The following C18orf63 variants were observed in gnomAD, a reference collection of about 807,000 sequenced individuals.
The protein encoded by C18orf63 is chromosome 18 open reading frame 63.
Under a neutral mutation model 75.3 loss-of-function variants are expected in C18orf63, and 50 were observed. That is an observed-to-expected ratio of 0.66 (90% CI 0.53 to 0.84). The LOEUF (loss-of-function observed/expected upper bound fraction) is 0.84, where lower values mean the gene tolerates loss of function less well. Among genes scored for constraint, C18orf63 ranks in the 40% least tolerant of loss-of-function variants. C18orf63 has a pLI of 0.00. For synonymous variants in C18orf63, 232 were observed against 267.6 expected (o/e 0.87, Z 1.30); for missense variants, 732 against 800.2 (o/e 0.91, Z 1.03).
chr18:74,343,780 G>A, intron 11 of C18orf63, 78 bp downstream of exon 11: 1 of 908,434 alleles, frequency 1.1e-6, no homozygotes, highest in Non-Finnish European at 1.5e-6. Context: ...GTCTTCTGGG[G>A]TGGAACACCC....
At position 74,356,158 on chromosome 18, in the gene C18orf63, G is replaced by A. The variant is rs1014589098; in HGVS notation, c.*34-323G>A. Among the ~76,000 whole-genome samples the A allele has an allele frequency of 2.0e-5, 3 of 152,130 alleles. No individual in the cohort carries two copies. The East Asian group carries it at 5.8e-4, about 29-fold the overall frequency. On this transcript the variant is annotated intron_variant, in intron 13 of 13. Coordinates refer to ENST00000579455, the MANE Select transcript of C18orf63 (RefSeq NM_001174123.2). ...TTGTATAAATTTGTGGGGTACAAGT[G>A]CAACTTTGTTACCTGCATGTATTGT...
intron 5 of C18orf63, among the ~76,000 whole-genome samples, chr18:74,328,372 C>A (rs1460672271): frequency 6.6e-6 from 1 of 152,104 alleles, no homozygotes; most frequent in African/African-American, 2.4e-5. Flanking sequence ...AAGCCCCACC[C>A]CCATGATTCA....
Position 74,357,240 on chromosome 18 carries a change from C to T in C18orf63, c.*793C>T, listed in dbSNP as rs1180841183. ...CCAGGCAGTGGGGACAACACTGTGTCCATGGCAGAAATGGATGAGACAGCC... is the reference window on the plus strand; with the variant it reads ...CCAGGCAGTGGGGACAACACTGTGTTCATGGCAGAAATGGATGAGACAGCC... On this transcript the variant is annotated 3_prime_UTR_variant, in exon 14 of 14. Transcript: ENST00000579455. 2.0e-5 allele frequency: 3 copies of T among 152,276 alleles called. No individual in the cohort carries two copies. Among genetic ancestry groups the T allele is most frequent in the Admixed American group, 2.0e-4 (3 of 15,292 alleles). 9.4% of individuals were successfully genotyped at this position (152,276 alleles called of 1,614,324 possible). A position where few individuals can be genotyped will look rare whatever the true frequency, so the allele number is the denominator to read the frequency against.
rs577924747 is a variant in C18orf63 at position 74,327,894 on chromosome 18, A to G, written c.271-53A>G. 77 of 1,057,486 alleles carry G rather than the reference A, an allele frequency of 7.3e-5. No individual in the cohort carries two copies. In the Admixed American group the frequency reaches 9.8e-4, roughly 13 times the overall value. The allele number at this position is 1,057,486 out of a possible 1,614,324, so 65.5% of individuals were successfully genotyped here. A position where few individuals can be genotyped will look rare whatever the true frequency, so the allele number is the denominator to read the frequency against. ...GCAGTCATTTCCTATTAGTATATGC[A>G]TACACAGCAATTGTTCTAAATTGGC... On this transcript the variant is annotated intron_variant, in intron 4 of 13. Coordinates refer to ENST00000579455, the MANE Select transcript of C18orf63 (RefSeq NM_001174123.2).
In C18orf63 at chr18:74,357,063, C is replaced by A. The variant is rs1300579017; in HGVS notation, c.*616C>A. ...TACATTTTGGGGATCTCTACTATAT[C>A]TCTGCAGGCTCACTAAATTTCACTT... On this transcript the variant is annotated 3_prime_UTR_variant, in exon 14 of 14. Coordinates refer to ENST00000579455, the MANE Select transcript of C18orf63 (RefSeq NM_001174123.2). 11 of 152,138 alleles carry A rather than the reference C, an allele frequency of 7.2e-5. No homozygotes were observed. Among genetic ancestry groups the A allele is most frequent in the Non-Finnish European group, 1.6e-4 (11 of 68,018 alleles). 9.4% of individuals were successfully genotyped at this position (152,138 alleles called of 1,614,324 possible).
Position 74,354,556 on chromosome 18 carries a change from G to A in C18orf63, c.*33+10G>A. On this transcript the variant is annotated intron_variant, in intron 13 of 13. Transcript: ENST00000579455. Reference sequence around the variant, plus strand: ...AGGAAATGTCTACCAGGTAACTGAAGTGATAGCTTTTGATTTGTTTTTACA... The same window carrying A: ...AGGAAATGTCTACCAGGTAACTGAAATGATAGCTTTTGATTTGTTTTTACA... 1 of 1,226,682 alleles carries A rather than the reference G, an allele frequency of 8.2e-7. No individual in the cohort carries two copies. The allele number at this position is 1,226,682 out of a possible 1,614,324, so 76.0% of individuals were successfully genotyped here.
At chr18:74,332,928 G>A (rs112945722) in intron 7 of C18orf63, among the ~76,000 whole-genome samples, 2,065 of 152,232 alleles carry the variant, frequency 0.014, 27 homozygotes, top group South Asian at 0.047. Context: ...ATACTTCTGT[G>A]TTCTACACCT....
intron 8 of C18orf63, among the ~76,000 whole-genome samples, chr18:74,341,052 C>T (rs1334803568): frequency 6.6e-6 from 1 of 151,606 alleles, no homozygotes; most frequent in Non-Finnish European, 1.5e-5. Context: ...ATCACGAGGT[C>T]CGGAGATCGA....
chr18:74,318,242 TTTTAAAAG>T (rs1373228759), intron 2 of C18orf63, among the ~76,000 whole-genome samples: 1 of 152,202 alleles, frequency 6.6e-6, no homozygotes, highest in Non-Finnish European at 1.5e-5. Flanking sequence ...CTTATGTGCT[TTTTAAAAG>T]TTTAAAATCT....
intron 11 of C18orf63, among the ~76,000 whole-genome samples, chr18:74,346,268 C>T (rs1413715640): frequency 6.6e-6 from 1 of 152,090 alleles, no homozygotes; most frequent in Non-Finnish European, 1.5e-5. Context: ...ACCTGTCAGT[C>T]AGTTGCTGAG....
chr18:74,352,068 A>AT (rs1984675232), intron 11 of C18orf63, among the ~76,000 whole-genome samples: 6 of 152,206 alleles, frequency 3.9e-5, no homozygotes, highest in African/African-American at 1.2e-4. Flanking sequence ...TCAGTCATTA[A>AT]AAGGAATAAA....
chr18:74,341,270 CAAAAAAAAAAAAAAAAAAAAA>C (rs58362707), intron 8 of C18orf63, among the ~76,000 whole-genome samples: 1 of 58,986 alleles, frequency 1.7e-5, no homozygotes, highest in Non-Finnish European at 2.8e-5. Flanking sequence ...GACTCCGTCT[CAAAAAAAAAAAAAAAAAAAAA>C]AAAAAAAAAA....
chr18:74,330,538 A>G (rs1984287204), intron 6 of C18orf63, among the ~76,000 whole-genome samples: 1 of 152,088 alleles, frequency 6.6e-6, no homozygotes, highest in Non-Finnish European at 1.5e-5. Flanking sequence ...CTCCATATTT[A>G]TATATATAAT....
chr18:74,343,293 G>A (rs1368978348), intron 10 of C18orf63, among the ~76,000 whole-genome samples: 1 of 152,096 alleles, frequency 6.6e-6, no homozygotes, highest in African/African-American at 2.4e-5. Context: ...CATATAGTAA[G>A]ATATTATGAA....
chr18:74,320,855 G>T (rs1469597759), intron 3 of C18orf63, among the ~76,000 whole-genome samples: 1 of 152,020 alleles, frequency 6.6e-6, no homozygotes, highest in Non-Finnish European at 1.5e-5. Flanking sequence ...ACATGCTACA[G>T]TATAATTTTT....
chr18:74,351,284 C>A (rs1281747992), intron 11 of C18orf63, among the ~76,000 whole-genome samples: 1 of 152,140 alleles, frequency 6.6e-6, no homozygotes, highest in East Asian at 1.9e-4. Context: ...AACTAAGTTT[C>A]CTGGAATTTC....
chr18:74,345,848 C>G (rs1322434761), intron 11 of C18orf63, among the ~76,000 whole-genome samples: 3 of 151,754 alleles, frequency 2.0e-5, no homozygotes, highest in African/African-American at 7.3e-5. Context: ...GTGTTTTAAT[C>G]TTAAATTTTA....
rs1214852308 is a variant in C18orf63, at chr18:74,328,012, T to A, written c.336T>A (p.Ala112=). 1.3e-6 allele frequency: 2 copies of A among 1,535,610 alleles called. No homozygotes were observed. The highest frequency in any genetic ancestry group is 2.4e-5 in the South Asian group (2 of 84,058). The change falls in exon 5 of 14, where the codon GCT becomes GCA. Residue 112 remains alanine (A), a synonymous_variant. Coordinates refer to ENST00000579455, the MANE Select transcript of C18orf63 (RefSeq NM_001174123.2). Reference sequence around the variant, plus strand: ...ACTGCCTGTCATATTCATTCATGGCTAGACTTGCTCCAGCCTGGAATAGAA... The same window carrying A: ...ACTGCCTGTCATATTCATTCATGGCAAGACTTGCTCCAGCCTGGAATAGAA... ...LQNCLSYSFM[A]RLAPAWNRTG... is the part of the protein sequence containing the mutation.
chr18:74,317,964 T>C lies in C18orf63; in HGVS notation c.99T>C (p.Asp33=). ...VRIILSNKVA[D]TEIRTIQMKM... ...TAATACTGAGTAATAAGGTGGCAGA[T>C]ACTGAGATTAGGACTATACAAATGA... is the stretch of plus-strand genomic sequence containing the variant. Residue 33 remains aspartate, a synonymous_variant, in exon 2 of 14, where the codon GAT becomes GAC. Coordinates refer to ENST00000579455, the MANE Select transcript of C18orf63 (RefSeq NM_001174123.2). 1 of 1,532,878 alleles carries C rather than the reference T, an allele frequency of 6.5e-7. No individual in the cohort carries two copies. 95.0% of individuals were successfully genotyped at this position (1,532,878 alleles called of 1,614,324 possible). A position where few individuals can be genotyped will look rare whatever the true frequency, so the allele number is the denominator to read the frequency against.
Sources: allele counts gnomAD v4.1 joint callset (sites outside exome capture counted in the v4.1 genomes callset), GRCh38; gene constraint gnomAD v4.1.1; transcripts MANE v1.5; gene names NCBI Gene and HGNC (gene_info 2026-07-23, HGNC 2026-07-21).